CRYM: variants seen among roughly 807,000 people sequenced by gnomAD.
CRYM encodes ketimine reductase mu-crystallin.
In CRYM, 18 loss-of-function variants were observed where a neutral mutation model predicts 32.9. The ratio of observed to expected loss-of-function variants is 0.55; its 90% CI spans 0.38 to 0.81. The LOEUF is 0.81. Among genes scored for constraint, CRYM ranks in the 30% least tolerant of loss-of-function variants. The probability of loss-of-function intolerance (pLI) is 0.00; values close to 1 mark genes in which losing one functional copy is unlikely to be tolerated. For synonymous variants in CRYM, 153 were observed against 152.4 expected (o/e 1.00, Z -0.03); for missense variants, 337 against 393.5 (o/e 0.86, Z 1.21).
At chr16:21,301,706 C>G (rs1400140060) in intron 1 of CRYM, among the ~76,000 whole-genome samples, 1 of 152,228 alleles carries the variant, frequency 6.6e-6, no homozygotes, top group Non-Finnish European at 1.5e-5. Context: ...TCCTACCGCT[C>G]CGCGCACTGC....
intron 1 of CRYM, chr16:21,283,651 G>C (rs1230557683): frequency 6.6e-6 from 1 of 151,404 alleles, no homozygotes; most frequent in East Asian, 1.9e-4. Context: ...TGGGGCTCTT[G>C]GGAGCATGCG....
rs1001598587 is a variant in CRYM, at chr16:21,289,504, T to C, written c.-192-10544A>G. 3.3e-5 allele frequency among the ~76,000 whole-genome samples: 5 copies of C among 152,364 alleles called. No homozygotes were observed. The South Asian group carries it at 1.0e-3, about 32-fold the overall frequency. ...TTGTAGGTAGCATATGGTTGGATCA[T>C]GCTTGTTAAAATCCATTCTGCCAAT... On this transcript the variant is annotated intron_variant, in intron 1 of 9. Transcript: ENST00000219599.
intron 4 of CRYM, among the ~76,000 whole-genome samples, chr16:21,269,355 A>G (rs1398556212): frequency 6.6e-6 from 1 of 152,184 alleles, no homozygotes; most frequent in African/African-American, 2.4e-5. Flanking sequence ...AAGGTGGACC[A>G]GTATGGAGAC....
intron 1 of CRYM, among the ~76,000 whole-genome samples, chr16:21,286,603 CAT>C (rs1308783994): frequency 6.6e-6 from 1 of 152,136 alleles, no homozygotes; most frequent in Admixed American, 6.5e-5. Flanking sequence ...TTACCGATAA[CAT>C]ATACCAAGAC....
At chr16:21,290,656 G>A (rs1291369575) in intron 1 of CRYM, among the ~76,000 whole-genome samples, 1 of 152,130 alleles carries the variant, frequency 6.6e-6, no homozygotes, top group African/African-American at 2.4e-5. Context: ...AAGTCTTACA[G>A]TGACAGTTCA....
chr16:21,278,347 G>T (rs769004013), upstream of CRYM: 2 of 1,462,784 alleles, frequency 1.4e-6, no homozygotes, highest in African/African-American at 1.4e-5. Flanking sequence ...CTGTGGAGCC[G>T]CCTGCTGGTC....
chr16:21,284,674 A>G lies in CRYM; in HGVS notation c.-192-5714T>C, dbSNP rs191846546. 1.4e-4 allele frequency among the ~76,000 whole-genome samples: 22 copies of G among 152,196 alleles called. No homozygotes were observed. In the East Asian group the frequency reaches 3.5e-3, roughly 24 times the overall value. The stretch of plus-strand genomic sequence containing the variant: ...ATATGTACCACGTTTTCTTTATCCA[A>G]TCCACCATTGATAGGCACCTAGGTT... On this transcript the variant is annotated intron_variant, in intron 1 of 9. Transcript: ENST00000219599.
intron 2 of CRYM, among the ~76,000 whole-genome samples, chr16:21,276,686 T>A (rs2152863169): frequency 6.6e-6 from 1 of 152,330 alleles, no homozygotes; most frequent in East Asian, 1.9e-4. Context: ...TCTTGGCACA[T>A]AAGTGCCCAA....
chr16:21,264,306 C>G (rs915313182), intron 5 of CRYM, among the ~76,000 whole-genome samples: 3 of 152,246 alleles, frequency 2.0e-5, no homozygotes, highest in African/African-American at 7.2e-5. Context: ...GCCACTCCTT[C>G]TCACTGGACT....
At chr16:21,266,363 C>CATTATACATAGAATTAAATGACATT (rs2093363644) in intron 5 of CRYM, among the ~76,000 whole-genome samples, 1 of 152,042 alleles carries the variant, frequency 6.6e-6, no homozygotes, top group South Asian at 2.1e-4. Flanking sequence ...TATTAAATGA[C>CATTATACATAGAATTAAATGACATT]ATTATACATA....
At chr16:21,282,891 T>C (rs2093400567), upstream of CRYM, among the ~76,000 whole-genome samples, 1 of 152,110 alleles carries the variant, frequency 6.6e-6, no homozygotes, top group Non-Finnish European at 1.5e-5. Context: ...ATAAGTAGCA[T>C]ATTAAATATT....
At chr16:21,279,529 C>A (rs1470353351), upstream of CRYM, among the ~76,000 whole-genome samples, 1 of 152,162 alleles carries the variant, frequency 6.6e-6, no homozygotes, top group African/African-American at 2.4e-5. Flanking sequence ...GGTCTAGGAG[C>A]ATCAGAAGAT....
At chr16:21,268,588 G>A (rs1018293033) in intron 4 of CRYM, 1 of 152,186 alleles carries the variant, frequency 6.6e-6, no homozygotes, top group Non-Finnish European at 1.5e-5. Context: ...CAAGCAAGGT[G>A]AAAAACAGGA....
Position 21,267,660 on chromosome 16 carries a change from A to C in CRYM, c.567T>G (p.Ser189=). The C allele has an allele frequency of 1.2e-6, 2 of 1,614,224 alleles. 1 individual carries two copies. The highest frequency in any genetic ancestry group is 2.2e-5 in the South Asian group (2 of 91,088). Residue 189 remains serine (S), a synonymous_variant, in exon 5 of 8, where the codon TCT becomes TCG. Transcript: ENST00000572914. ...DTVQGEVRVC[S]SVQEAVAGAD... ...CACCTGCCACAGCCTCCTGGACCGAAGAACAGACCCGTACCTCTCCTTGCA... is the reference window on the plus strand; with the variant it reads ...CACCTGCCACAGCCTCCTGGACCGACGAACAGACCCGTACCTCTCCTTGCA...
At chr16:21,287,199 A>G (rs1193707545) in intron 1 of CRYM, among the ~76,000 whole-genome samples, 1 of 152,260 alleles carries the variant, frequency 6.6e-6, no homozygotes, top group Non-Finnish European at 1.5e-5. Flanking sequence ...ATCACTGGTC[A>G]CTGTAAAATA....
intron 3 of CRYM, among the ~76,000 whole-genome samples, chr16:21,271,953 G>A (rs2093376270): frequency 6.6e-6 from 1 of 151,964 alleles, no homozygotes; most frequent in Admixed American, 6.6e-5. Flanking sequence ...CTGCTTCCTG[G>A]GTTCAAGCGA....
At chr16:21,294,057 C>T (rs1277613382) in intron 1 of CRYM, among the ~76,000 whole-genome samples, 3 of 152,208 alleles carry the variant, frequency 2.0e-5, no homozygotes. Context: ...ATTACCATCT[C>T]ACAAAAGCTT....
At chr16:21,263,401 A>C (rs1046478263) in intron 5 of CRYM, among the ~76,000 whole-genome samples, 1 of 152,060 alleles carries the variant, frequency 6.6e-6, no homozygotes, top group African/African-American at 2.4e-5. Flanking sequence ...ACTCCATCTC[A>C]AAAAACAAAC....
intron 1 of CRYM, among the ~76,000 whole-genome samples, chr16:21,288,917 G>T (rs1326606268): frequency 1.3e-5 from 2 of 151,938 alleles, no homozygotes; most frequent in Non-Finnish European, 2.9e-5. Context: ...TTCTGTTACT[G>T]ATTTCTAATT....
Sources: gnomAD v4.1 joint callset for allele counts (sites outside exome capture counted in the v4.1 genomes callset) on GRCh38, gnomAD v4.1.1 for gene constraint, MANE v1.5 for transcripts, NCBI Gene and HGNC (gene_info 2026-07-23, HGNC 2026-07-21) for gene names.